Variants in PCDH15 observed in about 807,000 individuals in gnomAD.
PCDH15 encodes the protein protocadherin-15.
PCDH15 carries 129 observed loss-of-function variants against 178.5 expected under a neutral mutation model. The observed-to-expected ratio is 0.72, with a 90% CI of 0.63 to 0.84. PCDH15 has a LOEUF of 0.84. Among genes scored for constraint, PCDH15 ranks in the 40% least tolerant of loss-of-function variants. PCDH15 has a pLI of 0.00. For missense variants in PCDH15, 2,230 were observed against 2,099.9 expected (o/e 1.06, Z -1.21); for synonymous variants, 800 against 732.0 (o/e 1.09, Z -1.50).
At chr10:54,502,158 G>T (rs2080755940) in intron 3 of PCDH15, among the ~76,000 whole-genome samples, 1 of 152,042 alleles carries the variant, frequency 6.6e-6, no homozygotes, top group Non-Finnish European at 1.5e-5. Flanking sequence ...AAGCAGATAT[G>T]TTGCCTAGAG....
At chr10:54,644,909 G>A (rs973349493) in intron 2 of PCDH15, among the ~76,000 whole-genome samples, 2 of 152,082 alleles carry the variant, frequency 1.3e-5, no homozygotes, top group East Asian at 1.9e-4. Context: ...CACAGCATTC[G>A]TCTTCTCCAA....
chr10:55,183,542 G>A (rs954911229), intron 1 of PCDH15, among the ~76,000 whole-genome samples: 1 of 151,606 alleles, frequency 6.6e-6, no homozygotes, highest in African/African-American at 2.4e-5. Context: ...GACTAGCCTG[G>A]GAAACACTGT....
At chr10:55,474,728 T>C (rs1317138613) in intron 2 of PCDH15, among the ~76,000 whole-genome samples, 1 of 152,272 alleles carries the variant, frequency 6.6e-6, no homozygotes, top group East Asian at 1.9e-4. Flanking sequence ...TGCCTCTCAA[T>C]TGCAGCTGTT....
chr10:54,620,040 G>A (rs902033955), intron 2 of PCDH15, among the ~76,000 whole-genome samples: 62 of 152,108 alleles, frequency 4.1e-4, no homozygotes, highest in Admixed American at 7.2e-4. Context: ...AAATTTAAAT[G>A]TCCACAATCT....
intron 25 of PCDH15, among the ~76,000 whole-genome samples, chr10:53,936,229 A>G (rs1275908852): frequency 6.6e-6 from 1 of 152,194 alleles, no homozygotes; most frequent in East Asian, 1.9e-4. Flanking sequence ...ATGGCAATGT[A>G]TAGACCTTAT....
intron 25 of PCDH15, among the ~76,000 whole-genome samples, chr10:53,915,804 G>A (rs1173442763): frequency 6.6e-6 from 1 of 151,998 alleles, no homozygotes; most frequent in African/African-American, 2.4e-5. Flanking sequence ...GTGATCTGTC[G>A]CTTCAGCCTC....
chr10:54,609,301 T>C (rs977946702), intron 2 of PCDH15, among the ~76,000 whole-genome samples: 1 of 152,066 alleles, frequency 6.6e-6, no homozygotes, highest in Non-Finnish European at 1.5e-5. Context: ...GAGGAACATG[T>C]AGGCTCATAA....
chr10:54,472,661 A>G (rs1410085070), intron 3 of PCDH15, among the ~76,000 whole-genome samples: 5 of 152,194 alleles, frequency 3.3e-5, no homozygotes, highest in Non-Finnish European at 7.3e-5. Flanking sequence ...ATTAAAATAA[A>G]AACGCATGGC....
At chr10:55,301,382 C>T (rs2132278348) in intron 1 of PCDH15, among the ~76,000 whole-genome samples, 1 of 152,086 alleles carries the variant, frequency 6.6e-6, no homozygotes, top group Non-Finnish European at 1.5e-5. Context: ...TTTTCATGTG[C>T]TTAATTGCTT....
At chr10:54,900,187 C>G (rs534626058) in intron 2 of PCDH15, among the ~76,000 whole-genome samples, 2 of 152,232 alleles carry the variant, frequency 1.3e-5, no homozygotes, top group South Asian at 4.1e-4. Flanking sequence ...TATCAGTAAA[C>G]ACATTTTTAA....
chr10:53,841,977 A>T (rs2077681139), intron 28 of PCDH15, among the ~76,000 whole-genome samples: 1 of 151,180 alleles, frequency 6.6e-6, no homozygotes, highest in African/African-American at 2.4e-5. Flanking sequence ...AACCCCGGGA[A>T]CCTGAAGATA....
chr10:53,965,143 C>T (rs369882192), intron 21 of PCDH15, among the ~76,000 whole-genome samples: 24 of 151,954 alleles, frequency 1.6e-4, no homozygotes, highest in East Asian at 3.9e-4. Context: ...CTGCAACCTC[C>T]GCCTCTCAGG....
At chr10:54,907,021 T>C (rs571927886) in intron 2 of PCDH15, among the ~76,000 whole-genome samples, 27 of 152,280 alleles carry the variant, frequency 1.8e-4, no homozygotes, top group Admixed American at 1.4e-3. Flanking sequence ...AATGGATCCA[T>C]GTTTTCTGCT....
intron 2 of PCDH15, among the ~76,000 whole-genome samples, chr10:55,015,663 TA>T (rs1840156773): frequency 2.6e-5 from 4 of 152,122 alleles, no homozygotes; most frequent in African/African-American, 9.7e-5. Flanking sequence ...TTTAATATAG[TA>T]ACTATGTGAA....
chr10:54,223,324 A>G (rs1171759219), intron 9 of PCDH15, among the ~76,000 whole-genome samples: 1 of 32,122 alleles, frequency 3.1e-5, no homozygotes, highest in Non-Finnish European at 1.6e-4. Context: ...AAAAAAAAAA[A>G]GAGAAATTGT....
intron 3 of PCDH15, among the ~76,000 whole-genome samples, chr10:54,516,433 T>C (rs936098418): frequency 6.6e-6 from 1 of 151,868 alleles, no homozygotes; most frequent in Non-Finnish European, 1.5e-5. Flanking sequence ...CAGGAGCCGA[T>C]GAGATCAACT....
intron 2 of PCDH15, among the ~76,000 whole-genome samples, chr10:54,533,488 A>G (rs923749867): frequency 6.6e-6 from 1 of 152,136 alleles, no homozygotes; most frequent in Non-Finnish European, 1.5e-5. Context: ...AAAGTGATGA[A>G]AAAAAAGGAG....
intron 2 of PCDH15, among the ~76,000 whole-genome samples, chr10:54,564,399 T>C (rs1395307331): frequency 6.6e-6 from 1 of 152,136 alleles, no homozygotes; most frequent in Non-Finnish European, 1.5e-5. Context: ...TTTATTAAAA[T>C]TGTACCATGT....
At chr10:54,634,788 CATA>C (rs759713742) in intron 2 of PCDH15, among the ~76,000 whole-genome samples, 21 of 151,984 alleles carry the variant, frequency 1.4e-4, no homozygotes, top group Non-Finnish European at 2.6e-4. Flanking sequence ...AAAAAAGACA[CATA>C]GTTAGGCATC....
Sources: allele counts gnomAD v4.1 joint callset (sites outside exome capture counted in the v4.1 genomes callset), GRCh38; gene constraint gnomAD v4.1.1; transcripts MANE v1.5; gene names NCBI Gene and HGNC (gene_info 2026-07-23, HGNC 2026-07-21).